GTF3C1: variants seen among roughly 807,000 people sequenced by gnomAD.
The protein encoded by GTF3C1 is general transcription factor IIIC subunit 1.
Under a neutral mutation model 226.7 loss-of-function variants are expected in GTF3C1, and 57 were observed. That is an observed-to-expected ratio of 0.25 (90% CI 0.20 to 0.31). GTF3C1 has a LOEUF of 0.31. Ranked by LOEUF, GTF3C1 falls within the 10% of genes least tolerant of loss-of-function variation. The pLI, the probability that GTF3C1 is intolerant of heterozygous loss-of-function variation, is 1.00. For missense variants in GTF3C1, 2,217 were observed against 2,776.1 expected (o/e 0.80, Z 4.53); for synonymous variants, 1,090 against 1,084.8 (o/e 1.00, Z -0.09).
At chr16:27,544,731 T>C (rs1326882277) in intron 2 of GTF3C1, among the ~76,000 whole-genome samples, 5 of 151,762 alleles carry the variant, frequency 3.3e-5, no homozygotes, top group African/African-American at 1.2e-4. Context: ...CACAAGAGAA[T>C]GGCTTGGCAG....
At chr16:27,514,439 G>C (rs895872119) in intron 6 of GTF3C1, among the ~76,000 whole-genome samples, 1 of 152,152 alleles carries the variant, frequency 6.6e-6, no homozygotes. Flanking sequence ...CACTGGGACA[G>C]GGTCACAGTG....
Position 27,545,458 on chromosome 16 carries a change from T to A in GTF3C1, c.287A>T (p.Asp96Val). The A allele has an allele frequency of 6.2e-7, 1 of 1,612,322 alleles. No homozygotes were observed. Among genetic ancestry groups the A allele is most frequent in the Non-Finnish European group, 8.5e-7 (1 of 1,178,406 alleles). The change falls in exon 2 of 37, where the codon GAT becomes GTT. Residue 96 changes from aspartate to valine, a missense_variant. By Grantham distance (152) the Asp-to-Val change is radical. Around this residue, in one of 12 missense-constraint regions of GTF3C1, gnomAD observed 192 missense variants for 251.8 expected, o/e 0.76. Coordinates refer to ENST00000356183, the MANE Select transcript of GTF3C1 (RefSeq NM_001520.4). Reference sequence around the variant, plus strand: ...TAAGATCATATGAATGGGGTAGACATCCTCCAAAGCCACCGGGTCCCTCCT... The same window carrying A: ...TAAGATCATATGAATGGGGTAGACAACCTCCAAAGCCACCGGGTCCCTCCT... Reference protein sequence around the residue: ...ESRRDPVALEDVYPIHMILEN... With the variant: ...ESRRDPVALEVVYPIHMILEN...
chr16:27,465,574 C>T (rs773109665), intron 32 of GTF3C1, 34 bp from the exon 33 acceptor site: 18 of 1,546,030 alleles, frequency 1.2e-5, no homozygotes, highest in African/African-American at 4.1e-5. Context: ...AGAGGCAGCC[C>T]GACAGAGGCC....
chr16:27,498,702 T>C lies in GTF3C1; in HGVS notation c.2093A>G (p.Gln698Arg). The change falls in exon 13 of 37, where the codon CAG (glutamine) becomes CGG (arginine). Residue 698 changes from glutamine (Q) to arginine (R), a missense_variant. Around this residue, in one of 12 missense-constraint regions of GTF3C1, gnomAD observed 100 missense variants for 139.9 expected, o/e 0.71. Coordinates refer to ENST00000356183, the MANE Select transcript of GTF3C1 (RefSeq NM_001520.4). ...GGCACTTCTCACTAGAGGGTCGTTC[T>C]GGTCCATGGACGGGTGCACCACCAG... ...VDLVVHPSMDQNDPLVRSAIE... is the reference protein window; with the variant it reads ...VDLVVHPSMDRNDPLVRSAIE... 1 of 1,603,082 alleles carries C rather than the reference T, an allele frequency of 6.2e-7. No homozygotes were observed. The highest frequency in any genetic ancestry group is 1.1e-5 in the South Asian group (1 of 90,866).
chr16:27,513,785 G>C (rs188327856), intron 6 of GTF3C1, among the ~76,000 whole-genome samples: 24 of 152,352 alleles, frequency 1.6e-4, no homozygotes, highest in African/African-American at 5.8e-4. Flanking sequence ...TTCTCCACCA[G>C]CTTTCATCAG....
chr16:27,494,937 G>A, intron 15 of GTF3C1, 29 bp from the exon 16 acceptor site: 1 of 1,603,486 alleles, frequency 6.2e-7, no homozygotes, highest in Non-Finnish European at 8.5e-7. Context: ...GTTACCCCCG[G>A]CAGCCAGGAT....
intron 32 of GTF3C1, chr16:27,465,851 A>C (rs895009986): frequency 7.9e-6 from 3 of 380,708 alleles, no homozygotes; most frequent in Non-Finnish European, 1.5e-5. Context: ...CGAGAACTGT[A>C]AAGTCCAGTG....
chr16:27,549,883 G>C lies in GTF3C1; in HGVS notation c.8C>G (p.Ala3Gly). Residue 3 changes from alanine (A) to glycine (G), a missense_variant, in exon 1 of 37, where the codon GCG becomes GGG. Physicochemically the swap from Ala to Gly is moderately conservative, Grantham distance 60. Coordinates refer to ENST00000356183, the MANE Select transcript of GTF3C1 (RefSeq NM_001520.4). MDALESLLDEVAL... is the reference protein window; with the variant it reads MDGLESLLDEVAL... ...GACTTCGTCCAACAACGACTCCAGC[G>C]CGTCCATTGCTACTTCAGTCGGCGG... 1.2e-6 allele frequency: 2 copies of C among 1,610,662 alleles called. No homozygotes were observed. Among genetic ancestry groups the C allele is most frequent in the East Asian group, 4.5e-5 (2 of 44,828 alleles).
chr16:27,520,930 G>C (rs950646166), intron 6 of GTF3C1, among the ~76,000 whole-genome samples: 1 of 152,218 alleles, frequency 6.6e-6, no homozygotes, highest in African/African-American at 2.4e-5. Context: ...TGTTGGCCAG[G>C]CTGATCTTGA....
chr16:27,548,828 T>C (rs1405656016), intron 1 of GTF3C1, among the ~76,000 whole-genome samples: 1 of 152,216 alleles, frequency 6.6e-6, no homozygotes, highest in Non-Finnish European at 1.5e-5. Flanking sequence ...CAAGTGAGTT[T>C]AAGCTCCTAA....
In GTF3C1 at chr16:27,501,304, C is replaced by T. The variant is rs750580471; in HGVS notation, c.1948G>A (p.Val650Met). 3 of 1,614,076 alleles carry T rather than the reference C, an allele frequency of 1.9e-6. No individual in the cohort carries two copies. The highest frequency in any genetic ancestry group is 1.7e-5 in the Admixed American group (1 of 60,028). Reference sequence around the variant, plus strand: ...GACTTCTTGCAGCACTTGGTGGACACGCCTTCCTGCTTCTCCTGATCCATG... The same window carrying T: ...GACTTCTTGCAGCACTTGGTGGACATGCCTTCCTGCTTCTCCTGATCCATG... The part of the protein sequence containing the change: ...MIMDQEKQEG[V>M]STKCCKKSIV... The change falls in exon 12 of 37, where the codon GTG becomes ATG. Residue 650 changes from valine (V) to methionine (M), a missense_variant. Transcript: ENST00000356183.
intron 29 of GTF3C1, among the ~76,000 whole-genome samples, chr16:27,472,901 C>T (rs2087896676): frequency 1.3e-5 from 2 of 152,184 alleles, no homozygotes; most frequent in African/African-American, 4.8e-5. Flanking sequence ...GTTTGGAAGT[C>T]CCAGGAGAAC....
At chr16:27,499,219 C>T (rs926601456) in intron 12 of GTF3C1, among the ~76,000 whole-genome samples, 2 of 152,240 alleles carry the variant, frequency 1.3e-5, no homozygotes, top group Non-Finnish European at 2.9e-5. Context: ...CCAAACAAAC[C>T]GGCAGAGGAT....
At chr16:27,528,786 C>A in intron 5 of GTF3C1, 65 bp from the exon 6 acceptor site, 2 of 1,458,778 alleles carry the variant, frequency 1.4e-6, no homozygotes, top group African/African-American at 1.4e-5. Context: ...ACTAGAAAGT[C>A]ATATAAATGA....
At chr16:27,480,925 C>G in intron 27 of GTF3C1, 154 bp downstream of exon 27, 1 of 630,450 alleles carries the variant, frequency 1.6e-6, no homozygotes, top group African/African-American at 1.8e-5. Context: ...GTGTTCAAGT[C>G]ACCCATGAGA....
At chr16:27,477,529 T>C (rs1245292599) in intron 28 of GTF3C1, among the ~76,000 whole-genome samples, 3 of 152,222 alleles carry the variant, frequency 2.0e-5, no homozygotes, top group African/African-American at 7.2e-5. Context: ...GGCCTTGAAC[T>C]CTTGACCTCA....
intron 11 of GTF3C1, among the ~76,000 whole-genome samples, chr16:27,502,580 CCTGTGACTT>C (rs1161358906): frequency 6.6e-6 from 1 of 152,268 alleles, no homozygotes; most frequent in East Asian, 1.9e-4. Context: ...ACGCACTTTC[CCTGTGACTT>C]CTGCTTCCTG....
At chr16:27,533,999 C>T (rs1162008436) in intron 4 of GTF3C1, among the ~76,000 whole-genome samples, 2 of 152,106 alleles carry the variant, frequency 1.3e-5, no homozygotes, top group Non-Finnish European at 2.9e-5. Context: ...GAGCGAGACT[C>T]CATCTCAAAG....
chr16:27,477,997 C>T (rs2087979080), intron 28 of GTF3C1, among the ~76,000 whole-genome samples: 1 of 152,088 alleles, frequency 6.6e-6, no homozygotes. Context: ...CGGCAAAACC[C>T]CGTCTCTACT....
Sources: allele counts gnomAD v4.1 joint callset (sites outside exome capture counted in the v4.1 genomes callset), GRCh38; gene constraint gnomAD v4.1.1; regional missense constraint gnomAD v4.1.1; transcripts MANE v1.5; gene names NCBI Gene and HGNC (gene_info 2026-07-23, HGNC 2026-07-21).